Variants in SLC12A1 observed in about 807,000 individuals in gnomAD.
SLC12A1 encodes the protein Na-K-2Cl cotransporter.
In SLC12A1, 89 loss-of-function variants were observed where a neutral mutation model predicts 130.4. The observed-to-expected ratio is 0.68, with a 90% CI of 0.58 to 0.81. SLC12A1 has a LOEUF of 0.81. SLC12A1 is among the 40% of genes least tolerant of loss of function. SLC12A1 has a pLI of 0.00. For synonymous variants in SLC12A1, 499 were observed against 460.0 expected (o/e 1.08, Z -1.09); for missense variants, 1,310 against 1,336.4 (o/e 0.98, Z 0.31).
chr15:48,281,832 C>T (rs187989854), intron 20 of SLC12A1, among the ~76,000 whole-genome samples: 2 of 152,138 alleles, frequency 1.3e-5, no homozygotes, highest in African/African-American at 4.8e-5. Context: ...TATATCCATT[C>T]GTTCATACTC....
chr15:48,263,720 T>G (rs1227335830), intron 17 of SLC12A1, among the ~76,000 whole-genome samples: 2 of 151,776 alleles, frequency 1.3e-5, no homozygotes, highest in Non-Finnish European at 2.9e-5. Context: ...TGAGACAGAG[T>G]CTCCCTCTGT....
At chr15:48,243,952 G>A (rs2041547720) in intron 10 of SLC12A1, among the ~76,000 whole-genome samples, 1 of 152,098 alleles carries the variant, frequency 6.6e-6, no homozygotes, top group African/African-American at 2.4e-5. Context: ...CAAATACATG[G>A]CAAAGATTAG....
intron 10 of SLC12A1, among the ~76,000 whole-genome samples, chr15:48,243,439 C>A (rs1391980925): frequency 6.6e-6 from 1 of 152,024 alleles, no homozygotes; most frequent in South Asian, 2.1e-4. Flanking sequence ...AGGTGGATCA[C>A]GAGGTCAGGA....
intron 9 of SLC12A1, chr15:48,237,274 T>A: frequency 4.2e-6 from 2 of 478,530 alleles, no homozygotes; most frequent in South Asian, 6.1e-5. Context: ...AAGATGCTGC[T>A]AATGAGAATT....
At chr15:48,261,201 A>G (rs2041770524) in intron 17 of SLC12A1, among the ~76,000 whole-genome samples, 1 of 152,240 alleles carries the variant, frequency 6.6e-6, no homozygotes, top group African/African-American at 2.4e-5. Context: ...TAAGTTTAGC[A>G]GGCAATAAAA....
chr15:48,230,528 T>A (rs978255110), intron 7 of SLC12A1, 25 bp downstream of exon 7: 19 of 1,446,620 alleles, frequency 1.3e-5, no homozygotes, highest in Non-Finnish European at 1.7e-5. Context: ...AATGATATTA[T>A]CAACAGTGGC....
intron 26 of SLC12A1, 123 bp downstream of exon 26, chr15:48,301,505 G>GGGGGT: frequency 5.4e-6 from 3 of 553,314 alleles, no homozygotes; most frequent in Middle Eastern, 3.4e-4. Context: ...TTTTTTTTGG[G>GGGGGT]GGGGGGAACA....
chr15:48,293,717 T>G (rs2042144175), intron 24 of SLC12A1, among the ~76,000 whole-genome samples: 1 of 152,202 alleles, frequency 6.6e-6, no homozygotes, highest in Non-Finnish European at 1.5e-5. Context: ...TCATGATCCT[T>G]CCAAGGAGAT....
chr15:48,290,706 TTATGCATA>T (rs200307690), intron 23 of SLC12A1, among the ~76,000 whole-genome samples: 6,533 of 152,154 alleles, frequency 0.043, 278 homozygotes, highest in African/African-American at 0.11. Flanking sequence ...TGCATATATA[TTATGCATA>T]TATGCATATA....
At chr15:48,276,939 T>C (rs1352162001) in intron 20 of SLC12A1, among the ~76,000 whole-genome samples, 1 of 152,158 alleles carries the variant, frequency 6.6e-6, no homozygotes, top group Non-Finnish European at 1.5e-5. Flanking sequence ...AGTAAGATCA[T>C]GAATCAAATG....
intron 9 of SLC12A1, among the ~76,000 whole-genome samples, chr15:48,239,737 G>A (rs1036681823): frequency 4.6e-5 from 7 of 151,182 alleles, no homozygotes; most frequent in Non-Finnish European, 7.4e-5. Context: ...TGCAACCTTC[G>A]CCTCCCAGGT....
At chr15:48,301,245 T>C in intron 25 of SLC12A1, 70 bp from the exon 26 acceptor site, 1 of 1,051,660 alleles carries the variant, frequency 9.5e-7, no homozygotes. Flanking sequence ...TTGTTCATGA[T>C]TTAAGAAAAT....
At chr15:48,239,687 G>A (rs1175298535) in intron 9 of SLC12A1, among the ~76,000 whole-genome samples, 4 of 151,938 alleles carry the variant, frequency 2.6e-5, no homozygotes, top group Admixed American at 2.0e-4. Flanking sequence ...GTCTCACTCT[G>A]TCACCCTGGC....
chr15:48,218,518 C>G (rs2041155729), intron 2 of SLC12A1, among the ~76,000 whole-genome samples: 1 of 152,098 alleles, frequency 6.6e-6, no homozygotes, highest in Non-Finnish European at 1.5e-5. Context: ...AAGCAAGAGC[C>G]TTTGAGTATG....
chr15:48,239,770 T>C (rs1407283636), intron 9 of SLC12A1, among the ~76,000 whole-genome samples: 1 of 151,032 alleles, frequency 6.6e-6, no homozygotes, highest in Non-Finnish European at 1.5e-5. Context: ...CGTGCCTCAG[T>C]CTCCCGAGCA....
At chr15:48,234,618 C>T (rs1398265733) in intron 8 of SLC12A1, among the ~76,000 whole-genome samples, 3 of 151,990 alleles carry the variant, frequency 2.0e-5, no homozygotes, top group African/African-American at 7.3e-5. Context: ...GTGGCGGGCG[C>T]CTGTAATCCC....
intron 16 of SLC12A1, 63 bp from the exon 17 acceptor site, chr15:48,259,137 A>T: frequency 9.5e-7 from 1 of 1,051,614 alleles, no homozygotes; most frequent in Non-Finnish European, 1.5e-6. Flanking sequence ...ATCCCACTGG[A>T]ATGGTTCTAA....
intron 19 of SLC12A1, 138 bp from the exon 20 acceptor site, chr15:48,274,433 T>C: frequency 1.5e-6 from 1 of 655,046 alleles, no homozygotes; most frequent in Non-Finnish European, 2.7e-6. Context: ...AACAAATGCA[T>C]CAGCTCTTGG....
Position 48,251,767 on chromosome 15 carries a change from C to G in SLC12A1, c.1939C>G (p.Pro647Ala). ...TTACGTCTATGTGACTTGTAAGAAG[C>G]CAGGTAAGATAATGACTGTCTGGAA... ...FLYVYVTCKK[P>A]DVNWGSSTQA... The change falls in exon 15 of 27, where the codon CCA becomes GCA. Residue 647 changes from proline to alanine, a missense_variant. Transcript: ENST00000380993. 6.2e-7 allele frequency: 1 copy of G among 1,613,412 alleles called. No homozygotes were observed. Among genetic ancestry groups the G allele is most frequent in the South Asian group, 1.1e-5 (1 of 91,016 alleles).
Sources: gnomAD v4.1 joint callset for allele counts (sites outside exome capture counted in the v4.1 genomes callset) on GRCh38, gnomAD v4.1.1 for gene constraint, MANE v1.5 for transcripts, NCBI Gene and HGNC (gene_info 2026-07-23, HGNC 2026-07-21) for gene names.